The following XKR4 variants were observed in gnomAD, a reference collection of about 807,000 sequenced individuals.
XKR4 encodes the protein XK related 4, also known as XK-related protein 4.
A neutral mutation model predicts 53.9 loss-of-function variants in XKR4; 12 were observed. That is an observed-to-expected ratio of 0.22 (90% CI 0.14 to 0.36). The LOEUF is 0.36. Among genes scored for constraint, XKR4 ranks in the 10% least tolerant of loss-of-function variants. The probability of loss-of-function intolerance (pLI) is 1.00; values close to 1 mark genes in which losing one functional copy is unlikely to be tolerated. For missense variants in XKR4, 799 were observed against 859.5 expected, an observed-to-expected ratio of 0.93 and a Z score of 0.88; for synonymous variants, 354 against 362.4, an observed-to-expected ratio of 0.98 and a Z score of 0.26.
chr8:55,309,798 T>A (rs1819362412), intron 1 of XKR4, among the ~76,000 whole-genome samples: 1 of 152,232 alleles, frequency 6.6e-6, no homozygotes. Context: ...ATCTTGCTGC[T>A]TATTATAGCC....
At chr8:55,109,875 A>G (rs1474646491) in intron 1 of XKR4, among the ~76,000 whole-genome samples, 1 of 152,212 alleles carries the variant, frequency 6.6e-6, no homozygotes, top group Non-Finnish European at 1.5e-5. Flanking sequence ...ATGATTGAGT[A>G]TCCAAGCACA....
intron 1 of XKR4, among the ~76,000 whole-genome samples, chr8:55,276,038 C>T (rs576663359): frequency 1.5e-4 from 23 of 152,280 alleles, no homozygotes; most frequent in Non-Finnish European, 2.9e-4. Flanking sequence ...TTCTTAACAG[C>T]GCTTCAAATA....
At chr8:55,124,223 C>T (rs1309902500) in intron 1 of XKR4, among the ~76,000 whole-genome samples, 2 of 152,196 alleles carry the variant, frequency 1.3e-5, no homozygotes, top group Admixed American at 6.5e-5. Context: ...CATGTGGTTC[C>T]TTCTGCTGTG....
intron 1 of XKR4, among the ~76,000 whole-genome samples, chr8:55,167,254 G>T (rs949792311): frequency 2.0e-5 from 3 of 152,206 alleles, no homozygotes; most frequent in African/African-American, 7.2e-5. Flanking sequence ...CTGTACTTGG[G>T]TATACTAAGA....
chr8:55,330,494 C>A (rs892915106), intron 1 of XKR4, among the ~76,000 whole-genome samples: 5 of 152,070 alleles, frequency 3.3e-5, no homozygotes, highest in African/African-American at 1.2e-4. Flanking sequence ...ATGGAAAAAA[C>A]ATGCTGTTTT....
intron 2 of XKR4, among the ~76,000 whole-genome samples, chr8:55,408,779 C>T (rs374312358): frequency 1.4e-4 from 21 of 152,066 alleles, no homozygotes; most frequent in East Asian, 7.8e-4. Context: ...GAGGTTGAGG[C>T]GGGCAGATCA....
chr8:55,302,982 C>T (rs1819226818), intron 1 of XKR4, among the ~76,000 whole-genome samples: 2 of 152,160 alleles, frequency 1.3e-5, no homozygotes, highest in South Asian at 4.1e-4. Context: ...ATTGAATACC[C>T]TTTATTTCCT....
chr8:55,105,635 A>G (rs1474224968), intron 1 of XKR4, among the ~76,000 whole-genome samples: 1 of 152,228 alleles, frequency 6.6e-6, no homozygotes, highest in Non-Finnish European at 1.5e-5. Context: ...TGTAGTAGAT[A>G]AGTTTGAATT....
intron 2 of XKR4, among the ~76,000 whole-genome samples, chr8:55,490,493 AC>A: frequency 6.6e-6 from 1 of 152,226 alleles, no homozygotes; most frequent in East Asian, 1.9e-4. Flanking sequence ...GATCAATTGT[AC>A]CCCGAAATTC....
chr8:55,298,460 G>A (rs1200159151), intron 1 of XKR4, among the ~76,000 whole-genome samples: 1 of 152,136 alleles, frequency 6.6e-6, no homozygotes, highest in Non-Finnish European at 1.5e-5. Flanking sequence ...ACCTCAGGAA[G>A]CTTCCAGTCA....
rs187997605 is a variant in XKR4, at chr8:55,479,920, G to A, written c.1007-43361G>A. On this transcript the variant is annotated intron_variant, in intron 2 of 2. Transcript: ENST00000327381. ...GTGGCAATAATCAATAGCTTACCAA[G>A]CAAAGAAAAGTCCAGGACCAGACGG... Among the ~76,000 whole-genome samples the A allele has an allele frequency of 1.2e-3, 175 of 151,934 alleles. 1 individual carries two copies. The highest frequency in any genetic ancestry group is 4.1e-3 in the African/African-American group (171 of 41,488).
At chr8:55,327,455 A>T (rs1803311233) in intron 1 of XKR4, among the ~76,000 whole-genome samples, 2 of 152,204 alleles carry the variant, frequency 1.3e-5, no homozygotes, top group African/African-American at 4.8e-5. Flanking sequence ...AACTACTCAA[A>T]TACCCTGTTT....
At chr8:55,341,355 G>A (rs565792481) in intron 1 of XKR4, among the ~76,000 whole-genome samples, 416 of 152,272 alleles carry the variant, frequency 2.7e-3, no homozygotes, top group Non-Finnish European at 4.8e-3. Flanking sequence ...CATTGGCAGA[G>A]GGCTGCTCCC....
chr8:55,499,171 C>A (rs10504191), intron 2 of XKR4, among the ~76,000 whole-genome samples: 8,110 of 152,166 alleles, frequency 0.053, 652 homozygotes, highest in East Asian at 0.31. Flanking sequence ...CTATAGGCAC[C>A]AAAGTTAAAC....
chr8:55,205,078 T>C (rs1276128567), intron 1 of XKR4, among the ~76,000 whole-genome samples: 1 of 152,226 alleles, frequency 6.6e-6, no homozygotes, highest in Non-Finnish European at 1.5e-5. Context: ...CTGTGATTAA[T>C]GCTAGCACAG....
chr8:55,210,298 G>C (rs988421520), intron 1 of XKR4, among the ~76,000 whole-genome samples: 1 of 151,928 alleles, frequency 6.6e-6, no homozygotes, highest in African/African-American at 2.4e-5. Flanking sequence ...TGCCCAGGCT[G>C]GTCTCGAACT....
intron 1 of XKR4, among the ~76,000 whole-genome samples, chr8:55,243,455 C>T (rs549810896): frequency 6.6e-6 from 1 of 152,308 alleles, no homozygotes; most frequent in East Asian, 1.9e-4. Flanking sequence ...TATTAATATG[C>T]ATCTAAGTTT....
At chr8:55,412,711 T>G (rs1563343870) in intron 2 of XKR4, among the ~76,000 whole-genome samples, 2 of 152,246 alleles carry the variant, frequency 1.3e-5, no homozygotes, top group Admixed American at 6.5e-5. Context: ...ATTTCAGCTC[T>G]GGCAGCATCA....
intron 1 of XKR4, among the ~76,000 whole-genome samples, chr8:55,155,656 T>C (rs1022285065): frequency 1.4e-5 from 2 of 147,566 alleles, no homozygotes; most frequent in African/African-American, 5.0e-5. Flanking sequence ...GAAAAAAAAA[T>C]CTAAAGTTCT....
Sources: allele counts gnomAD v4.1 joint callset (sites outside exome capture counted in the v4.1 genomes callset), GRCh38; gene constraint gnomAD v4.1.1; transcripts MANE v1.5; gene names NCBI Gene and HGNC (gene_info 2026-07-23, HGNC 2026-07-21).